Variants in SNRK observed in about 807,000 individuals in gnomAD.
SNRK encodes SNF-related serine/threonine-protein kinase.
In SNRK, 3 loss-of-function variants were observed where a neutral mutation model predicts 48.2. The observed-to-expected ratio is 0.06, with a 90% CI of 0.03 to 0.16. The LOEUF (loss-of-function observed/expected upper bound fraction) is 0.16. SNRK is among the 10% of genes least tolerant of loss of function. SNRK has a pLI of 1.00. For missense variants in SNRK, 627 were observed against 976.0 expected (o/e 0.64, Z 4.76); for synonymous variants, 376 against 366.1 (o/e 1.03, Z -0.31).
At chr3:43,346,994 T>C (rs1290987625) in intron 6 of SNRK, 2 of 193,094 alleles carry the variant, frequency 1.0e-5, no homozygotes. Context: ...GACGTGGTGT[T>C]CAGGTTTTGC....
At chr3:43,294,510 G>A (rs1448918496) in intron 1 of SNRK, among the ~76,000 whole-genome samples, 1 of 152,110 alleles carries the variant, frequency 6.6e-6, no homozygotes, top group East Asian at 1.9e-4. Context: ...TTAACTTGTG[G>A]TGTCTTGTTG....
rs995522012 is a variant in SNRK, at chr3:43,303,335, A to C, written c.132A>C (p.Val44=). 1 of 1,614,196 alleles carries C rather than the reference A, an allele frequency of 6.2e-7. No homozygotes were observed. The highest frequency in any genetic ancestry group is 1.1e-5 in the South Asian group (1 of 91,084). The change falls in exon 3 of 7, where the codon GTA becomes GTC. Residue 44 remains valine (V), a synonymous_variant. Coordinates refer to ENST00000296088, the MANE Select transcript of SNRK (RefSeq NM_017719.5). The surrounding 1 kb of genome is among the most constrained non-coding windows in gnomAD (Gnocchi z 6.2). ...TCTTTACGGGTGAAAAGGTGGCAGT[A>C]AAAGTTATTGACAAGACAAAACTGG... ...RHVFTGEKVA[V]KVIDKTKLDT...
chr3:43,337,266 G>A (rs1305038850), intron 4 of SNRK, among the ~76,000 whole-genome samples: 1 of 151,036 alleles, frequency 6.6e-6, no homozygotes, highest in East Asian at 2.0e-4. Flanking sequence ...GTAGTGATGG[G>A]GTTTCGCATT....
chr3:43,326,754 TG>T (rs1020839146), intron 3 of SNRK, among the ~76,000 whole-genome samples: 4 of 152,092 alleles, frequency 2.6e-5, no homozygotes, highest in African/African-American at 9.6e-5. Flanking sequence ...GAAATAAACT[TG>T]GGGGAAAAAA....
intron 3 of SNRK, among the ~76,000 whole-genome samples, chr3:43,310,531 C>T (rs1420128187): frequency 1.3e-5 from 2 of 151,836 alleles, no homozygotes; most frequent in Non-Finnish European, 2.9e-5. Context: ...CCTCCCTGTC[C>T]CTTTCTTGGA....
At chr3:43,288,374 G>C (rs2090782755) in intron 1 of SNRK, among the ~76,000 whole-genome samples, 1 of 152,034 alleles carries the variant, frequency 6.6e-6, no homozygotes, top group African/African-American at 2.4e-5. Context: ...AAACATGCTA[G>C]AACTCAGAAG....
chr3:43,304,453 A>G (rs1162861789), intron 3 of SNRK, among the ~76,000 whole-genome samples: 1 of 151,998 alleles, frequency 6.6e-6, no homozygotes, highest in Non-Finnish European at 1.5e-5. Context: ...ATTCCTAACT[A>G]CCTTCTTTCC....
chr3:43,317,621 A>G (rs189411817), intron 3 of SNRK, among the ~76,000 whole-genome samples: 10 of 151,810 alleles, frequency 6.6e-5, no homozygotes, highest in Admixed American at 2.6e-4. Context: ...TCCTCTCACT[A>G]CCTTCCTGGT....
In SNRK at chr3:43,343,398, T is replaced by C. The variant is rs758110192; in HGVS notation, c.999T>C (p.Ala333=). 30 of 1,614,172 alleles carry C rather than the reference T, an allele frequency of 1.9e-5. No individual in the cohort carries two copies. The highest frequency in any genetic ancestry group is 2.5e-5 in the Non-Finnish European group (30 of 1,180,034). ...TCACAGCCACATACTTCCTGCTGGC[T>C]GAAAGGATCCTGAGAGAAAAGCAAG... is the stretch of plus-strand genomic sequence containing the variant. ...NHITATYFLL[A]ERILREKQEK... is the part of the protein sequence containing the mutation. Residue 333 remains alanine (A), a synonymous_variant, in exon 6 of 7, where the codon GCT becomes GCC. Coordinates refer to ENST00000296088, the MANE Select transcript of SNRK (RefSeq NM_017719.5).
chr3:43,302,382 A>G (rs1247108684), intron 2 of SNRK, among the ~76,000 whole-genome samples: 1 of 152,210 alleles, frequency 6.6e-6, no homozygotes, highest in Non-Finnish European at 1.5e-5. Context: ...GCATTTCAAA[A>G]TTTAATAAGA....
In SNRK at chr3:43,348,156, A is replaced by G. The variant is rs200446000; in HGVS notation, c.1897A>G (p.Met633Val). 2.6e-5 allele frequency: 41 copies of G among 1,583,040 alleles called. No homozygotes were observed. The Middle Eastern group carries it at 5.1e-4, about 20-fold the overall frequency. Reference sequence around the variant, plus strand: ...CCGCTGTGCCGGCCCCAGCAACTCCATGCAGCTGGCCTCTCGCAGTGCTGG... The same window carrying G: ...CCGCTGTGCCGGCCCCAGCAACTCCGTGCAGCTGGCCTCTCGCAGTGCTGG... ...TRRCAGPSNS[M>V]QLASRSAGEL... The change falls in exon 7 of 7, where the codon ATG (methionine) becomes GTG (valine). Residue 633 changes from methionine to valine, a missense_variant. Transcript: ENST00000296088.
chr3:43,287,396 C>T (rs1475586649), intron 1 of SNRK, among the ~76,000 whole-genome samples: 1 of 152,150 alleles, frequency 6.6e-6, no homozygotes, highest in Non-Finnish European at 1.5e-5. Context: ...AGCCTTTTAT[C>T]TTCGGGGTTC....
Position 43,347,464 on chromosome 3 carries a change from A to G in SNRK, c.1205A>G (p.His402Arg), listed in dbSNP as rs1018357424. ...ARAADSVLNG[H>R]RSKGLCDSAK... ...GCTGCTGACAGTGTCCTCAATGGCC[A>G]CAGGAGCAAAGGCCTGTGTGACTCA... The change falls in exon 7 of 7, where the codon CAC becomes CGC. Residue 402 changes from histidine to arginine, a missense_variant. Around this residue, in one of 4 missense-constraint regions of SNRK, gnomAD observed 175 missense variants for 209.7 expected, o/e 0.83. Coordinates refer to ENST00000296088, the MANE Select transcript of SNRK (RefSeq NM_017719.5). This position sits in a 1 kb window ranked among gnomAD's most constrained non-coding sequence, Gnocchi z 5.4. The G allele has an allele frequency of 6.2e-7, 1 of 1,613,858 alleles. No individual in the cohort carries two copies. The highest frequency in any genetic ancestry group is 8.5e-7 in the Non-Finnish European group (1 of 1,179,996).
At position 43,340,453 on chromosome 3, in the gene SNRK, C is replaced by G; in HGVS notation, c.898C>G (p.Gln300Glu). Residue 300 changes from glutamine to glutamate, a missense_variant, in exon 5 of 7, where the codon CAG (glutamine) becomes GAG (glutamate). Transcript: ENST00000296088. The part of the protein sequence containing the change: ...LSEEEHNSII[Q>E]RMVLGDIADR... Reference sequence around the variant, plus strand: ...GGAAGAGGAGCACAACAGCATCATTCAGCGCATGGTGCTTGGGGACATAGC... The same window carrying G: ...GGAAGAGGAGCACAACAGCATCATTGAGCGCATGGTGCTTGGGGACATAGC... The G allele has an allele frequency of 1.2e-6, 2 of 1,614,184 alleles. No homozygotes were observed. Among genetic ancestry groups the G allele is most frequent in the Non-Finnish European group, 1.7e-6 (2 of 1,180,026 alleles).
At chr3:43,338,890 T>A (rs1305003430) in intron 4 of SNRK, among the ~76,000 whole-genome samples, 1 of 152,198 alleles carries the variant, frequency 6.6e-6, no homozygotes, top group Admixed American at 6.5e-5. Flanking sequence ...CTGGCTATAT[T>A]ATTTTCAAGA....
In SNRK at chr3:43,340,410, G is replaced by C. The variant is rs746012396; in HGVS notation, c.855G>C (p.Val285=). 1.9e-6 allele frequency: 3 copies of C among 1,614,170 alleles called. No homozygotes were observed. In the South Asian group the frequency reaches 3.3e-5, roughly 18 times the overall value. ...SPATKYNIPL[V]SYKNLSEEEH... Reference sequence around the variant, plus strand: ...CTACAAAGTATAACATTCCCCTTGTGTCATACAAAAATCTCTCGGAAGAGG... The same window carrying C: ...CTACAAAGTATAACATTCCCCTTGTCTCATACAAAAATCTCTCGGAAGAGG... Residue 285 remains valine (V), a synonymous_variant, in exon 5 of 7, where the codon GTG becomes GTC. Coordinates refer to ENST00000296088, the MANE Select transcript of SNRK (RefSeq NM_017719.5).
At chr3:43,305,772 A>G (rs1195781552) in intron 3 of SNRK, among the ~76,000 whole-genome samples, 3 of 152,186 alleles carry the variant, frequency 2.0e-5, no homozygotes, top group African/African-American at 7.2e-5. Flanking sequence ...GGCATGAGCC[A>G]CCGCACCCAG....
At chr3:43,306,609 G>C (rs1005904465) in intron 3 of SNRK, among the ~76,000 whole-genome samples, 1 of 151,640 alleles carries the variant, frequency 6.6e-6, no homozygotes, top group Admixed American at 6.6e-5. Flanking sequence ...GCTTATTTCT[G>C]TGTGTCTTGA....
chr3:43,319,076 T>C (rs1475793013), intron 3 of SNRK, among the ~76,000 whole-genome samples: 2 of 151,836 alleles, frequency 1.3e-5, no homozygotes, highest in African/African-American at 4.8e-5. Flanking sequence ...TGCAGGCTGC[T>C]ATGCTTGATC....
Sources: allele counts gnomAD v4.1 joint callset (sites outside exome capture counted in the v4.1 genomes callset), GRCh38; gene constraint gnomAD v4.1.1; regional missense constraint gnomAD v4.1.1; non-coding constraint Gnocchi (gnomAD v3.1); transcripts MANE v1.5; gene names NCBI Gene and HGNC (gene_info 2026-07-23, HGNC 2026-07-21).